Variants in INTS2 observed in about 807,000 individuals in gnomAD.
INTS2 encodes the protein integrator complex subunit 2, also known as KIAA1287.
In INTS2, 57 loss-of-function variants were observed where a neutral mutation model predicts 139.6. That is an observed-to-expected ratio of 0.41 (90% CI 0.33 to 0.51). The LOEUF (loss-of-function observed/expected upper bound fraction) is 0.51, where lower values mean the gene tolerates loss of function less well. INTS2 is among the 20% of genes least tolerant of loss of function. INTS2 has a pLI of 0.28. For synonymous variants in INTS2, 473 were observed against 493.4 expected, an observed-to-expected ratio of 0.96 and a Z score of 0.55; for missense variants, 1,196 against 1,436.7, an observed-to-expected ratio of 0.83 and a Z score of 2.71.
At chr17:61,884,088 C>T (rs1345799455) in intron 16 of INTS2, among the ~76,000 whole-genome samples, 4 of 151,680 alleles carry the variant, frequency 2.6e-5, no homozygotes, top group Admixed American at 2.6e-4. Flanking sequence ...AAAAATATTA[C>T]AATATATCCA....
intron 11 of INTS2, 121 bp from the exon 12 acceptor site, chr17:61,895,504 C>G: frequency 3.5e-6 from 2 of 566,072 alleles, no homozygotes; most frequent in African/African-American, 4.0e-5. Context: ...GTACTCTACT[C>G]TGTTTTAGAA....
chr17:61,896,827 C>G (rs2079354786), intron 11 of INTS2, among the ~76,000 whole-genome samples: 1 of 152,150 alleles, frequency 6.6e-6, no homozygotes, highest in South Asian at 2.1e-4. Context: ...TAAACTGATA[C>G]AATCTTTCGA....
chr17:61,926,812 C>CTTGA, intron 1 of INTS2, 150 bp from the exon 2 acceptor site: 1 of 694,114 alleles, frequency 1.4e-6, no homozygotes, highest in Non-Finnish European at 2.6e-6. Context: ...GCTTCTCTGT[C>CTTGA]TCCCTAGGTT....
intron 9 of INTS2, among the ~76,000 whole-genome samples, chr17:61,901,577 C>CTTTGTTTTTTTTTT (rs2079405688): frequency 2.0e-5 from 1 of 49,448 alleles, no homozygotes; most frequent in African/African-American, 1.1e-4. Context: ...AGAATGATTT[C>CTTTGTTTTTTTTTT]TTTTTTTTTT....
intron 15 of INTS2, among the ~76,000 whole-genome samples, chr17:61,888,231 A>C (rs1467314492): frequency 6.6e-6 from 1 of 151,838 alleles, no homozygotes; most frequent in Non-Finnish European, 1.5e-5. Context: ...TCAGCCAGGC[A>C]TGGTGGTGTC....
intron 13 of INTS2, among the ~76,000 whole-genome samples, chr17:61,892,534 G>A (rs1311792064): frequency 1.3e-5 from 2 of 152,200 alleles, no homozygotes. Context: ...GCTCATGCCT[G>A]TAATCCCAAC....
chr17:61,907,448 A>G lies in INTS2; in HGVS notation c.1141T>C (p.Leu381=). ...EEHVVKASAL[L]RLYCALMGIA... is the part of the protein sequence containing the mutation. ...CCCATCAAAGCACAGTACAGACGTA[A>G]GAGTGCACTGGCTTTCACAACATGC... Residue 381 remains leucine, a synonymous_variant, in exon 8 of 25, where the codon TTA becomes CTA. Coordinates refer to ENST00000251334, the MANE Select transcript of INTS2 (RefSeq NM_001351695.2). 6.3e-7 allele frequency: 1 copy of G among 1,599,708 alleles called. No homozygotes were observed. Among genetic ancestry groups the G allele is most frequent in the Non-Finnish European group, 8.5e-7 (1 of 1,173,284 alleles).
Position 61,874,978 on chromosome 17 carries a change from C to G in INTS2, c.2517G>C (p.Lys839Asn). 2 of 1,597,534 alleles carry G rather than the reference C, an allele frequency of 1.3e-6. No homozygotes were observed. The highest frequency in any genetic ancestry group is 8.5e-7 in the Non-Finnish European group (1 of 1,170,978). The change falls in exon 19 of 25, where the codon AAG (lysine) becomes AAC (asparagine). Residue 839 changes from lysine (K) to asparagine (N), a missense_variant. Lys to Asn is a moderately conservative substitution (Grantham distance 94, BLOSUM62 0). Around this residue, in one of 3 missense-constraint regions of INTS2, gnomAD observed 1,129 missense variants for 1,341.9 expected, o/e 0.84. Transcript: ENST00000251334. ...QPSIKFVRQQKYTQNDLMIDP... is the reference protein window; with the variant it reads ...QPSIKFVRQQNYTQNDLMIDP... ...CTATCATCAGGTCATTCTGAGTATA[C>G]TTTTGTTGTCGTACAAACTTTATTG...
Position 61,897,686 on chromosome 17 carries a change from T to G in INTS2, c.1361A>C (p.Glu454Ala), listed in dbSNP as rs1450795103. ...ATCTTACCTCTCAAAATACGCTTCT[T>G]CTTTTATCATCCAACTTAGCCACAC... is the stretch of plus-strand genomic sequence containing the variant. Reference protein sequence around the residue: ...MVVWLSWMIKEEAYFESTSGV... With the variant: ...MVVWLSWMIKAEAYFESTSGV... The change falls in exon 10 of 25, where the codon GAA becomes GCA. Residue 454 changes from glutamate to alanine, a missense_variant. Physicochemically the swap from Glu to Ala is moderately radical, Grantham distance 107 (BLOSUM62 -1). Around this residue, in one of 3 missense-constraint regions of INTS2, gnomAD observed 1,129 missense variants for 1,341.9 expected, o/e 0.84. Transcript: ENST00000251334. The surrounding 1 kb of genome is among the most constrained non-coding windows in gnomAD (Gnocchi z 4.4). 6.2e-7 allele frequency: 1 copy of G among 1,607,392 alleles called. No homozygotes were observed. The highest frequency in any genetic ancestry group is 2.2e-5 in the East Asian group (1 of 44,778).
chr17:61,880,914 T>C (rs1206264220), intron 17 of INTS2, 93 bp downstream of exon 17: 1 of 1,009,522 alleles, frequency 9.9e-7, no homozygotes. Flanking sequence ...GTTATATCCA[T>C]GGGAAAATTC....
Position 61,918,543 on chromosome 17 carries a change from G to A in INTS2, c.649+857C>T, listed in dbSNP as rs144284471. 3.7e-3 allele frequency among the ~76,000 whole-genome samples: 557 copies of A among 152,220 alleles called. 2 individuals are homozygous for A. The highest frequency in any genetic ancestry group is 0.012 in the African/African-American group (505 of 41,518). On this transcript the variant is annotated intron_variant, in intron 5 of 24. Coordinates refer to ENST00000251334, the MANE Select transcript of INTS2 (RefSeq NM_001351695.2). ...AGGCATGAGCCACCGTGCCCAGCCA[G>A]ATGAGAAGTATTTTGATAGAGCTCA... is the stretch of plus-strand genomic sequence containing the variant.
chr17:61,907,836 T>C (rs1008922551), intron 7 of INTS2, among the ~76,000 whole-genome samples: 2 of 152,190 alleles, frequency 1.3e-5, no homozygotes, highest in African/African-American at 4.8e-5. Context: ...CACCATAATT[T>C]GGATTGGTTG....
chr17:61,904,946 ATTT>A (rs547719682), intron 8 of INTS2, among the ~76,000 whole-genome samples: 15 of 141,116 alleles, frequency 1.1e-4, no homozygotes, highest in Admixed American at 2.9e-4. Context: ...ATAATGCATA[ATTT>A]TTTTTTTTTT....
intron 1 of INTS2, chr17:61,927,375 G>C (rs980370882): frequency 6.2e-6 from 1 of 160,878 alleles, no homozygotes; most frequent in Non-Finnish European, 1.4e-5. Flanking sequence ...AAACAAAAAG[G>C]CAGTGAGCTG....
intron 11 of INTS2, among the ~76,000 whole-genome samples, chr17:61,896,117 G>A (rs2145934584): frequency 6.6e-6 from 1 of 151,766 alleles, no homozygotes; most frequent in African/African-American, 2.4e-5. Context: ...GTATGTGCCT[G>A]TAGTCCCAGC....
intron 13 of INTS2, among the ~76,000 whole-genome samples, chr17:61,892,953 C>CAAA (rs58426330): frequency 4.3e-4 from 19 of 44,150 alleles, no homozygotes; most frequent in East Asian, 1.6e-3. Context: ...GACTCCATCT[C>CAAA]AAAAAAAAAA....
intron 15 of INTS2, among the ~76,000 whole-genome samples, chr17:61,889,345 C>A (rs543925612): frequency 1.3e-5 from 2 of 152,274 alleles, no homozygotes; most frequent in South Asian, 4.1e-4. Flanking sequence ...CCTCGGCCTC[C>A]CGAAGTGCTA....
intron 17 of INTS2, among the ~76,000 whole-genome samples, chr17:61,879,395 TAAC>T (rs2079157809): frequency 6.6e-6 from 1 of 152,150 alleles, no homozygotes. Flanking sequence ...TGCTCTCCAA[TAAC>T]AACTAACCAC....
At chr17:61,911,429 T>A in intron 7 of INTS2, 91 bp downstream of exon 7, 1 of 1,133,886 alleles carries the variant, frequency 8.8e-7, no homozygotes, top group Non-Finnish European at 1.2e-6. Flanking sequence ...GAACCACTTG[T>A]CTAATGACAT....
Sources: gnomAD v4.1 joint callset for allele counts (sites outside exome capture counted in the v4.1 genomes callset) on GRCh38, gnomAD v4.1.1 for gene constraint, gnomAD v4.1.1 regional missense constraint, Gnocchi (gnomAD v3.1) non-coding constraint, MANE v1.5 for transcripts, NCBI Gene and HGNC (gene_info 2026-07-23, HGNC 2026-07-21) for gene names.